The following PLXDC2 variants were observed in gnomAD, a reference collection of about 807,000 sequenced individuals.
PLXDC2 encodes plexin domain containing 2.
In PLXDC2, 40 loss-of-function variants were observed where a neutral mutation model predicts 68.9. That is an observed-to-expected ratio of 0.58 (90% CI 0.45 to 0.76). The LOEUF is 0.76. Ranked by LOEUF, PLXDC2 falls within the 30% of genes least tolerant of loss-of-function variation. The probability of loss-of-function intolerance (pLI) is 0.00; values close to 1 mark genes in which losing one functional copy is unlikely to be tolerated. For synonymous variants in PLXDC2, 243 were observed against 234.2 expected, an observed-to-expected ratio of 1.04 and a Z score of -0.34; for missense variants, 644 against 661.9, an observed-to-expected ratio of 0.97 and a Z score of 0.30.
chr10:20,043,421 A>G (rs1283585310), intron 2 of PLXDC2: 1 of 152,174 alleles, frequency 6.6e-6, no homozygotes, highest in Admixed American at 6.6e-5. Context: ...TTTTGCAGGT[A>G]ATTCATTATT....
In PLXDC2 at chr10:19,821,917, TA is replaced by T. The variant is rs202190609; in HGVS notation, c.112+4734del. Among the ~76,000 whole-genome samples, 544 of 152,170 alleles carry T rather than the reference TA, an allele frequency of 3.6e-3. 1 individual carries two copies. The highest frequency in any genetic ancestry group is 4.8e-3 in the African/African-American group (201 of 41,536). On this transcript the variant is annotated intron_variant, in intron 1 of 13. Transcript: ENST00000377252. ...ATCTTTTTTCTTTTATACATTCCTT[TA>T]AAAAAAATTCTTTGTTTTCATTTTT...
intron 2 of PLXDC2, among the ~76,000 whole-genome samples, chr10:20,026,484 G>A (rs1658082213): frequency 6.6e-6 from 1 of 152,082 alleles, no homozygotes; most frequent in Admixed American, 6.6e-5. Flanking sequence ...AAGTGAAGTG[G>A]TATCTTTTCA....
At chr10:20,027,393 C>T (rs918363846) in intron 2 of PLXDC2, among the ~76,000 whole-genome samples, 2 of 152,104 alleles carry the variant, frequency 1.3e-5, no homozygotes, top group Admixed American at 6.6e-5. Flanking sequence ...TGTGAGGGTA[C>T]AGTGTTTGTT....
chr10:19,924,661 T>C (rs932103986), intron 1 of PLXDC2, among the ~76,000 whole-genome samples: 4 of 152,222 alleles, frequency 2.6e-5, no homozygotes, highest in African/African-American at 7.2e-5. Flanking sequence ...ATTTAACTCT[T>C]AGGCAGTCTG....
At chr10:20,006,373 A>G (rs1325358260) in intron 2 of PLXDC2, among the ~76,000 whole-genome samples, 1 of 152,172 alleles carries the variant, frequency 6.6e-6, no homozygotes, top group Non-Finnish European at 1.5e-5. Context: ...ATGAGCTAGA[A>G]AGACTCTGTG....
At chr10:19,864,083 T>C (rs1457495911) in intron 1 of PLXDC2, among the ~76,000 whole-genome samples, 2 of 152,178 alleles carry the variant, frequency 1.3e-5, no homozygotes, top group Non-Finnish European at 2.9e-5. Flanking sequence ...GATGTGATCA[T>C]GGCTTGCTGT....
chr10:20,196,522 C>T (rs1279888805), intron 9 of PLXDC2, among the ~76,000 whole-genome samples: 1 of 151,978 alleles, frequency 6.6e-6, no homozygotes, highest in Non-Finnish European at 1.5e-5. Context: ...CCAAACCTAG[C>T]AAAGTTAGAT....
intron 1 of PLXDC2, among the ~76,000 whole-genome samples, chr10:19,945,045 C>G (rs773500326): frequency 9.9e-5 from 15 of 152,170 alleles, no homozygotes; most frequent in Non-Finnish European, 1.3e-4. Flanking sequence ...AGTTGGCCAC[C>G]TTTGATTGGC....
At chr10:20,119,476 C>T (rs1349011943) in intron 4 of PLXDC2, among the ~76,000 whole-genome samples, 1 of 151,392 alleles carries the variant, frequency 6.6e-6, no homozygotes, top group Non-Finnish European at 1.5e-5. Flanking sequence ...TCAGTTAAGG[C>T]AGGAACAGGC....
At chr10:20,199,767 A>G (rs927575402) in intron 9 of PLXDC2, among the ~76,000 whole-genome samples, 1 of 151,980 alleles carries the variant, frequency 6.6e-6, no homozygotes, top group African/African-American at 2.4e-5. Context: ...GATTATAAAA[A>G]TTTCAGAGAA....
intron 4 of PLXDC2, among the ~76,000 whole-genome samples, chr10:20,113,106 G>A (rs1040857743): frequency 3.3e-5 from 5 of 152,138 alleles, no homozygotes; most frequent in African/African-American, 4.8e-5. Flanking sequence ...CAGAGGAATC[G>A]GATTCTTTTC....
chr10:20,243,640 G>T (rs1382656221), intron 12 of PLXDC2, among the ~76,000 whole-genome samples: 2 of 152,002 alleles, frequency 1.3e-5, no homozygotes, highest in African/African-American at 4.8e-5. Context: ...TCCATATTTG[G>T]TTTTTCTTTA....
At chr10:20,098,851 C>G (rs536420239) in intron 4 of PLXDC2, among the ~76,000 whole-genome samples, 1 of 152,230 alleles carries the variant, frequency 6.6e-6, no homozygotes, top group Non-Finnish European at 1.5e-5. Context: ...TTGGTAGAAG[C>G]ACTGAATGCA....
At chr10:20,232,005 C>A (rs1454590057) in intron 12 of PLXDC2, among the ~76,000 whole-genome samples, 16 of 144,832 alleles carry the variant, frequency 1.1e-4, no homozygotes, top group South Asian at 2.2e-4. Context: ...GACCCTATCT[C>A]AAAAAAAAAA....
intron 1 of PLXDC2, among the ~76,000 whole-genome samples, chr10:19,862,010 T>C (rs1438910793): frequency 6.6e-6 from 1 of 152,216 alleles, no homozygotes; most frequent in East Asian, 1.9e-4. Context: ...ATAGGAGATA[T>C]GTTGAATGGT....
At chr10:20,279,229 A>C (rs2119397864) in intron 13 of PLXDC2, among the ~76,000 whole-genome samples, 1 of 152,316 alleles carries the variant, frequency 6.6e-6, no homozygotes, top group Non-Finnish European at 1.5e-5. Context: ...TCTGGTGCCT[A>C]ATTGAAAATA....
chr10:19,850,537 T>G (rs1432662626), intron 1 of PLXDC2, among the ~76,000 whole-genome samples: 1 of 152,176 alleles, frequency 6.6e-6, no homozygotes, highest in Non-Finnish European at 1.5e-5. Context: ...TAGTATCTCA[T>G]GAACGTTTCA....
chr10:19,873,467 G>A (rs1837580135), intron 1 of PLXDC2, among the ~76,000 whole-genome samples: 1 of 141,192 alleles, frequency 7.1e-6, no homozygotes, highest in African/African-American at 2.7e-5. Flanking sequence ...CTGTAGTGCA[G>A]TGGCACAATC....
At chr10:20,161,309 T>C (rs1045832401) in intron 6 of PLXDC2, among the ~76,000 whole-genome samples, 4 of 146,932 alleles carry the variant, frequency 2.7e-5, no homozygotes, top group Non-Finnish European at 6.0e-5. Flanking sequence ...AGGATAACTT[T>C]TGGTGCAAAA....
Sources: allele counts gnomAD v4.1 joint callset (sites outside exome capture counted in the v4.1 genomes callset), GRCh38; gene constraint gnomAD v4.1.1; transcripts MANE v1.5; gene names NCBI Gene and HGNC (gene_info 2026-07-23, HGNC 2026-07-21).